The following DLGAP2 variants were observed in gnomAD, a reference collection of about 807,000 sequenced individuals.
The protein encoded by DLGAP2 is disks large-associated protein 2.
Under a neutral mutation model 100.3 loss-of-function variants are expected in DLGAP2, and 26 were observed. The ratio of observed to expected loss-of-function variants is 0.26; its 90% CI spans 0.19 to 0.36. The LOEUF is 0.36. Among genes scored for constraint, DLGAP2 ranks in the 10% least tolerant of loss-of-function variants. DLGAP2 has a pLI of 1.00. For synonymous variants in DLGAP2, 886 were observed against 630.1 expected (o/e 1.41, Z -6.08); for missense variants, 1,858 against 1,453.2 (o/e 1.28, Z -4.53).
Position 1,571,483 on chromosome 8 carries a change from A to C in DLGAP2, c.1442+5589A>C, listed in dbSNP as rs530868873. Among the ~76,000 whole-genome samples the C allele has an allele frequency of 3.0e-4, 32 of 107,560 alleles. No homozygotes were observed. In the South Asian group the frequency reaches 0.011, roughly 37 times the overall value. The allele number at this position is 107,560 out of a possible 152,430, so 70.6% of individuals were successfully genotyped here. A position where few individuals can be genotyped will look rare whatever the true frequency, so the allele number is the denominator to read the frequency against. On this transcript the variant is annotated intron_variant, in intron 6 of 14. Transcript: ENST00000637795. ...GGGGTGAACTGTGGGGTGTCTGATG[A>C]GATGGAGAGGAGAAAGGGGTGAACT...
At chr8:1,032,254 G>A (rs567792455) in intron 2 of DLGAP2, among the ~76,000 whole-genome samples, 2 of 152,314 alleles carry the variant, frequency 1.3e-5, no homozygotes, top group Admixed American at 6.5e-5. Context: ...GCCACCACCC[G>A]TGGCTCTGCT....
chr8:871,496 A>G (rs897504728), intron 1 of DLGAP2, among the ~76,000 whole-genome samples: 1 of 152,190 alleles, frequency 6.6e-6, no homozygotes, highest in Non-Finnish European at 1.5e-5. Context: ...TCAAGTTTCT[A>G]AAGAATTATG....
chr8:836,251 C>G (rs747085211), intron 1 of DLGAP2, among the ~76,000 whole-genome samples: 1 of 152,196 alleles, frequency 6.6e-6, no homozygotes, highest in Non-Finnish European at 1.5e-5. Context: ...CCGCAAGGCT[C>G]GGGCGGGAGA....
chr8:1,626,690 C>A (rs373138047), intron 6 of DLGAP2, 50 bp from the exon 7 acceptor site: 4 of 1,556,248 alleles, frequency 2.6e-6, no homozygotes, highest in Middle Eastern at 1.7e-4. Context: ...CACCTCTGCC[C>A]TGCAGCGGGT....
Position 767,288 on chromosome 8 carries a change from A to G in DLGAP2, c.18+29463A>G, listed in dbSNP as rs543035364. Among the ~76,000 whole-genome samples the G allele has an allele frequency of 3.3e-5, 5 of 151,634 alleles. No individual in the cohort carries two copies. The East Asian group carries it at 5.8e-4, about 18-fold the overall frequency. ...GAGCCACAGTTGTGGGAGGAAGTCA[A>G]GCAGTTCAAGGATGCCCAAAGGCAC... On this transcript the variant is annotated intron_variant, in intron 1 of 14. Coordinates refer to ENST00000637795, the MANE Select transcript of DLGAP2 (RefSeq NM_001346810.2).
At chr8:1,246,697 G>A (rs756204573) in intron 2 of DLGAP2, 1 of 152,296 alleles carries the variant, frequency 6.6e-6, no homozygotes. Flanking sequence ...ACTCCTGGAG[G>A]TTGAGCATAA....
chr8:911,528 G>A (rs976053059), intron 2 of DLGAP2, among the ~76,000 whole-genome samples: 2 of 151,198 alleles, frequency 1.3e-5, no homozygotes, highest in Non-Finnish European at 2.9e-5. Context: ...TTGGAAAGAC[G>A]TGTATAACAT....
chr8:1,314,274 C>G (rs1307432391), intron 3 of DLGAP2, among the ~76,000 whole-genome samples: 4 of 152,188 alleles, frequency 2.6e-5, no homozygotes, highest in Non-Finnish European at 1.5e-5. Flanking sequence ...CTTTTGGTCA[C>G]TGACCCTTAT....
At chr8:1,596,045 C>T (rs1796450491) in intron 6 of DLGAP2, among the ~76,000 whole-genome samples, 1 of 149,398 alleles carries the variant, frequency 6.7e-6, no homozygotes, top group East Asian at 2.0e-4. Context: ...CCAACAGGCC[C>T]CTGTGTGTGA....
At position 1,549,629 on chromosome 8, in the gene DLGAP2, G is replaced by A. The variant is rs1417836296; in HGVS notation, c.1176G>A (p.Lys392=). 2.5e-6 allele frequency: 4 copies of A among 1,586,088 alleles called. No homozygotes were observed. In the Admixed American group the frequency reaches 7.2e-5, roughly 29 times the overall value. Residue 392 remains lysine (K), a synonymous_variant, in exon 5 of 15, where the codon AAG becomes AAA. Transcript: ENST00000637795. ...AYRKSSLNLD[K]PLLHQDAKPA... ...GCAAGAGCTCGCTGAACCTGGACAAGCCGCTGCTGCACCAGGACGCCAAGC... is the reference window on the plus strand; with the variant it reads ...GCAAGAGCTCGCTGAACCTGGACAAACCGCTGCTGCACCAGGACGCCAAGC...
chr8:871,123 G>C (rs1585955928), intron 1 of DLGAP2, among the ~76,000 whole-genome samples: 1 of 152,210 alleles, frequency 6.6e-6, no homozygotes, highest in Non-Finnish European at 1.5e-5. Context: ...CCAGTGTGCA[G>C]GTGTCTGCCT....
chr8:1,168,038 C>T (rs1279555632), intron 2 of DLGAP2, among the ~76,000 whole-genome samples: 1 of 118,350 alleles, frequency 8.4e-6, no homozygotes, highest in Non-Finnish European at 1.7e-5. Context: ...CCCCTCCCCC[C>T]ACCCCACAAC....
intron 1 of DLGAP2, among the ~76,000 whole-genome samples, chr8:906,125 A>T (rs957637205): frequency 7.2e-5 from 11 of 152,182 alleles, no homozygotes; most frequent in East Asian, 3.9e-4. Context: ...CCTCCTTAGG[A>T]GCAGCACCCA....
intron 2 of DLGAP2, among the ~76,000 whole-genome samples, chr8:941,138 G>A (rs868532912): frequency 6.6e-6 from 1 of 152,122 alleles, no homozygotes; most frequent in African/African-American, 2.4e-5. Flanking sequence ...CAGGGGGGTC[G>A]TGGGATGCTG....
intron 2 of DLGAP2, among the ~76,000 whole-genome samples, chr8:1,041,551 G>A (rs960549304): frequency 2.3e-4 from 35 of 150,328 alleles, no homozygotes; most frequent in African/African-American, 7.9e-4. Flanking sequence ...AGTGTTCTCC[G>A]AACCCCTTGC....
chr8:1,241,756 C>G (rs1438869216), intron 2 of DLGAP2, among the ~76,000 whole-genome samples: 2 of 144,142 alleles, frequency 1.4e-5, no homozygotes, highest in African/African-American at 5.2e-5. Context: ...AAAAAAAAAA[C>G]TAATAAATTC....
At chr8:1,173,223 C>T (rs1275570894) in intron 2 of DLGAP2, among the ~76,000 whole-genome samples, 1 of 152,146 alleles carries the variant, frequency 6.6e-6, no homozygotes, top group Admixed American at 6.5e-5. Flanking sequence ...AATGCTGCTG[C>T]CTGATCGTTC....
At chr8:802,456 C>T (rs1197414222) in intron 1 of DLGAP2, among the ~76,000 whole-genome samples, 3 of 152,208 alleles carry the variant, frequency 2.0e-5, no homozygotes, top group African/African-American at 4.8e-5. Flanking sequence ...CAGCGGGTCC[C>T]GCATTGGGGT....
chr8:925,742 CAT>C (rs1261622055), intron 2 of DLGAP2, among the ~76,000 whole-genome samples: 1 of 152,108 alleles, frequency 6.6e-6, no homozygotes, highest in East Asian at 1.9e-4. Flanking sequence ...GGAATTGGCT[CAT>C]GTGGTTATGA....
Sources: gnomAD v4.1 joint callset for allele counts (sites outside exome capture counted in the v4.1 genomes callset) on GRCh38, gnomAD v4.1.1 for gene constraint, MANE v1.5 for transcripts, NCBI Gene and HGNC (gene_info 2026-07-23, HGNC 2026-07-21) for gene names.